Variants in CNTNAP5 observed in about 807,000 individuals in gnomAD.
The protein encoded by CNTNAP5 is contactin-associated protein-like 5.
In CNTNAP5, 72 loss-of-function variants were observed where a neutral mutation model predicts 150.2. The ratio of observed to expected loss-of-function variants is 0.48; its 90% CI spans 0.40 to 0.58. The LOEUF (loss-of-function observed/expected upper bound fraction) is 0.58, where lower values mean the gene tolerates loss of function less well. Among genes scored for constraint, CNTNAP5 ranks in the 20% least tolerant of loss-of-function variants. CNTNAP5 has a pLI of 0.00. For synonymous variants in CNTNAP5, 672 were observed against 619.8 expected (o/e 1.08, Z -1.25); for missense variants, 1,636 against 1,626.2 (o/e 1.01, Z -0.10).
At chr2:124,315,671 C>T (rs1352905574) in intron 3 of CNTNAP5, among the ~76,000 whole-genome samples, 2 of 150,682 alleles carry the variant, frequency 1.3e-5, no homozygotes, top group Non-Finnish European at 3.0e-5. Context: ...CCTCCTACAG[C>T]AAGCCTGACA....
chr2:124,305,498 A>G (rs1558842361), intron 3 of CNTNAP5, among the ~76,000 whole-genome samples: 1 of 151,954 alleles, frequency 6.6e-6, no homozygotes, highest in East Asian at 1.9e-4. Context: ...TAGTTATGTC[A>G]TTTTTTTTAG....
chr2:124,894,370 G>T (rs1678261130), intron 21 of CNTNAP5, among the ~76,000 whole-genome samples: 1 of 151,178 alleles, frequency 6.6e-6, no homozygotes, highest in Admixed American at 6.6e-5. Flanking sequence ...CCCTTGTCTT[G>T]CTCATTTCCT....
At chr2:124,607,462 G>T (rs1399559844) in intron 11 of CNTNAP5, among the ~76,000 whole-genome samples, 4 of 152,086 alleles carry the variant, frequency 2.6e-5, no homozygotes, top group African/African-American at 9.7e-5. Context: ...TCTAATCTTG[G>T]AAATGGTATC....
rs538388900 is a variant in CNTNAP5, at chr2:124,896,725, G to A, written c.3437-6157G>A. On this transcript the variant is annotated intron_variant, in intron 21 of 23. Coordinates refer to ENST00000682447, the MANE Select transcript of CNTNAP5 (RefSeq NM_001367498.1). ...CGCTAATTTCTGTATTTTTAGTAGA[G>A]ACGGGGTTTCACCGTGTTGGCCAGG... Among the ~76,000 whole-genome samples the A allele has an allele frequency of 2.0e-5, 3 of 151,454 alleles. No individual in the cohort carries two copies. The East Asian group carries it at 5.8e-4, about 29-fold the overall frequency.
chr2:124,109,044 A>G (rs948211143), intron 1 of CNTNAP5, among the ~76,000 whole-genome samples: 8 of 152,192 alleles, frequency 5.3e-5, no homozygotes, highest in African/African-American at 1.9e-4. Context: ...AAGCAAGTGG[A>G]TCCCAAAAAG....
chr2:124,235,887 G>T (rs1475604333), intron 2 of CNTNAP5, among the ~76,000 whole-genome samples: 1 of 152,046 alleles, frequency 6.6e-6, no homozygotes, highest in East Asian at 1.9e-4. Context: ...TTTCTTACAG[G>T]TGTTTATCAT....
chr2:124,514,749 A>G (rs1411071924), intron 8 of CNTNAP5, among the ~76,000 whole-genome samples: 1 of 152,186 alleles, frequency 6.6e-6, no homozygotes, highest in Non-Finnish European at 1.5e-5. Context: ...AATTTGGCCA[A>G]ATATGGAGGG....
chr2:124,746,968 A>G (rs1266218755), intron 13 of CNTNAP5, among the ~76,000 whole-genome samples: 1 of 150,892 alleles, frequency 6.6e-6, no homozygotes, highest in Non-Finnish European at 1.5e-5. Flanking sequence ...ATGTAGAAAT[A>G]CAAATTTAAA....
chr2:124,299,563 C>T (rs113739378), intron 3 of CNTNAP5, among the ~76,000 whole-genome samples: 1 of 151,972 alleles, frequency 6.6e-6, no homozygotes, highest in African/African-American at 2.4e-5. Flanking sequence ...GTATATATAC[C>T]ACATTTTCTT....
intron 19 of CNTNAP5, 55 bp downstream of exon 19, chr2:124,798,375 TG>T (rs1681894198): frequency 4.0e-6 from 5 of 1,256,610 alleles, no homozygotes; most frequent in African/African-American, 1.5e-5. Context: ...GGAGGGACGG[TG>T]CATGCCCTCC....
intron 13 of CNTNAP5, among the ~76,000 whole-genome samples, chr2:124,674,973 T>C (rs1396930723): frequency 6.6e-6 from 1 of 152,070 alleles, no homozygotes; most frequent in Non-Finnish European, 1.5e-5. Context: ...GAGTTTTCTA[T>C]TGATGTATAC....
At chr2:124,476,735 C>T (rs565711457) in intron 7 of CNTNAP5, among the ~76,000 whole-genome samples, 84 of 152,242 alleles carry the variant, frequency 5.5e-4, no homozygotes, top group African/African-American at 1.9e-3. Flanking sequence ...ACTTGGGCAC[C>T]TCACTACAGC....
chr2:124,340,091 C>G (rs1174128643), intron 3 of CNTNAP5, among the ~76,000 whole-genome samples: 1 of 152,106 alleles, frequency 6.6e-6, no homozygotes, highest in Non-Finnish European at 1.5e-5. Context: ...GAGTTCTGTC[C>G]TCTCTCATAT....
intron 22 of CNTNAP5, among the ~76,000 whole-genome samples, chr2:124,905,038 C>CAAAAAAA (rs55882801): frequency 9.9e-5 from 5 of 50,648 alleles, no homozygotes; most frequent in African/African-American, 2.2e-4. Flanking sequence ...AACTCAATAG[C>CAAAAAAA]AAAAAAAAAA....
At chr2:124,499,572 G>C (rs1212737811) in intron 7 of CNTNAP5, among the ~76,000 whole-genome samples, 1 of 152,224 alleles carries the variant, frequency 6.6e-6, no homozygotes, top group South Asian at 2.1e-4. Flanking sequence ...GGGTAGTGCC[G>C]ATGACGAGGG....
intron 3 of CNTNAP5, among the ~76,000 whole-genome samples, chr2:124,270,274 A>G (rs1687713774): frequency 6.6e-6 from 1 of 150,906 alleles, no homozygotes; most frequent in East Asian, 2.0e-4. Flanking sequence ...GCACCACTAC[A>G]CTCCAGCCTG....
chr2:124,585,669 C>CTTTTTTTTT (rs33978614), intron 11 of CNTNAP5, among the ~76,000 whole-genome samples: 12 of 66,398 alleles, frequency 1.8e-4, no homozygotes, highest in Non-Finnish European at 2.2e-4. Context: ...GAGCTTGAAG[C>CTTTTTTTTT]TTTTTTTTTT....
intron 19 of CNTNAP5, among the ~76,000 whole-genome samples, chr2:124,824,527 A>G (rs1682554037): frequency 6.6e-6 from 1 of 152,132 alleles, no homozygotes; most frequent in African/African-American, 2.4e-5. Flanking sequence ...AAGCTAAGAG[A>G]TCAGGGGAGG....
chr2:124,836,618 G>C (rs762110203), intron 19 of CNTNAP5, among the ~76,000 whole-genome samples: 15 of 152,058 alleles, frequency 9.9e-5, no homozygotes, highest in Non-Finnish European at 1.9e-4. Flanking sequence ...TGTGTGCTGT[G>C]GTCTATGGGG....
Sources: allele counts gnomAD v4.1 joint callset (sites outside exome capture counted in the v4.1 genomes callset), GRCh38; gene constraint gnomAD v4.1.1; transcripts MANE v1.5; gene names NCBI Gene and HGNC (gene_info 2026-07-23, HGNC 2026-07-21).